RASGEF1B: variants seen among roughly 807,000 people sequenced by gnomAD.
The protein encoded by RASGEF1B is RasGEF domain family member 1B, also known as ras-GEF domain-containing family member 1B.
Under a neutral mutation model 65.7 loss-of-function variants are expected in RASGEF1B, and 30 were observed. The ratio of observed to expected loss-of-function variants is 0.46; its 90% CI spans 0.34 to 0.62. The LOEUF (loss-of-function observed/expected upper bound fraction) is 0.62, where lower values mean the gene tolerates loss of function less well. Among genes scored for constraint, RASGEF1B ranks in the 20% least tolerant of loss-of-function variants. The pLI is 0.01. For missense variants in RASGEF1B, 495 were observed against 580.1 expected (o/e 0.85, Z 1.51); for synonymous variants, 175 against 194.8 (o/e 0.90, Z 0.85).
intron 13 of RASGEF1B, among the ~76,000 whole-genome samples, chr4:81,429,177 T>C (rs1005168870): frequency 8.5e-5 from 13 of 152,090 alleles, no homozygotes; most frequent in African/African-American, 2.9e-4. Flanking sequence ...GAGTGCCTCC[T>C]GAGTGTATGA....
chr4:81,461,147 C>G (rs532086289), intron 1 of RASGEF1B, among the ~76,000 whole-genome samples: 1 of 152,264 alleles, frequency 6.6e-6, no homozygotes, highest in South Asian at 2.1e-4. Context: ...CCTCAAATTG[C>G]CAGGTTTCTA....
At position 81,456,968 on chromosome 4, in the gene RASGEF1B, A is replaced by C. The variant is rs914914293; in HGVS notation, c.301-180T>G. On this transcript the variant is annotated intron_variant, in intron 3 of 13. Transcript: ENST00000264400. ...GTGCCACCAACTTAAGGCAGGACCT[A>C]GGGATTCTCCATTGCATTTAATTAA... is the stretch of plus-strand genomic sequence containing the variant. 5.7e-4 allele frequency among the ~76,000 whole-genome samples: 86 copies of C among 152,152 alleles called. 2 individuals carry two copies. Among genetic ancestry groups the C allele is most frequent in the African/African-American group, 2.0e-3 (84 of 41,428 alleles).
At chr4:81,448,918 G>A (rs1016838743) in intron 4 of RASGEF1B, among the ~76,000 whole-genome samples, 2 of 152,006 alleles carry the variant, frequency 1.3e-5, no homozygotes, top group South Asian at 2.1e-4. Flanking sequence ...AGGTTCAAGC[G>A]ATTCACCTGC....
intron 10 of RASGEF1B, among the ~76,000 whole-genome samples, chr4:81,436,972 A>C (rs1186369812): frequency 2.0e-5 from 3 of 152,230 alleles, no homozygotes; most frequent in African/African-American, 7.2e-5. Flanking sequence ...TAAAGATCTC[A>C]TTACCTTTCC....
chr4:81,462,638 A>G (rs1722687411), intron 1 of RASGEF1B, among the ~76,000 whole-genome samples: 1 of 152,316 alleles, frequency 6.6e-6, no homozygotes, highest in East Asian at 1.9e-4. Context: ...CTACCTCCCC[A>G]TATACTCCAG....
chr4:81,449,421 G>T (rs564709492), intron 4 of RASGEF1B, among the ~76,000 whole-genome samples: 3 of 152,336 alleles, frequency 2.0e-5, no homozygotes, highest in African/African-American at 7.2e-5. Context: ...ATCAAGAAAT[G>T]ACTTCATAAT....
intron 4 of RASGEF1B, among the ~76,000 whole-genome samples, chr4:81,450,316 G>A (rs1375565833): frequency 6.6e-6 from 1 of 152,032 alleles, no homozygotes; most frequent in East Asian, 1.9e-4. Context: ...CCAGGAGATC[G>A]AGACAACATA....
chr4:81,447,464 A>T, intron 6 of RASGEF1B, 40 bp downstream of exon 6: 1 of 1,450,464 alleles, frequency 6.9e-7, no homozygotes, highest in Non-Finnish European at 9.7e-7. Context: ...GATAAATCCC[A>T]TTTTTGGTTT....
At chr4:81,432,935 G>A (rs1578610449) in intron 12 of RASGEF1B, among the ~76,000 whole-genome samples, 2 of 151,592 alleles carry the variant, frequency 1.3e-5, no homozygotes, top group African/African-American at 4.8e-5. Flanking sequence ...AATTAAAAAT[G>A]TTCTCCTGGC....
At chr4:81,436,452 T>C (rs927734317) in intron 10 of RASGEF1B, among the ~76,000 whole-genome samples, 1 of 152,208 alleles carries the variant, frequency 6.6e-6, no homozygotes, top group Non-Finnish European at 1.5e-5. Context: ...TCTGAATTCT[T>C]TGGCTTGATG....
In RASGEF1B at chr4:81,427,747, C is replaced by G; in HGVS notation, c.*21G>C. 3 of 1,613,602 alleles carry G rather than the reference C, an allele frequency of 1.9e-6. No individual in the cohort carries two copies. Among genetic ancestry groups the G allele is most frequent in the Non-Finnish European group, 2.5e-6 (3 of 1,179,894 alleles). ...GATCTGCAGGAAGCAGCAGCAGCAG[C>G]AGGCAGGCAGCTCCCATGTGTTAAA... On this transcript the variant is annotated 3_prime_UTR_variant, in exon 14 of 14. Coordinates refer to ENST00000264400, the MANE Select transcript of RASGEF1B (RefSeq NM_152545.3).
At chr4:81,454,324 A>C (rs1032920176) in intron 4 of RASGEF1B, 11 of 152,250 alleles carry the variant, frequency 7.2e-5, no homozygotes, top group African/African-American at 1.2e-4. Flanking sequence ...TTAAAAGAAA[A>C]AGATTTTTAA....
chr4:81,448,581 G>A (rs1455624940), intron 4 of RASGEF1B, among the ~76,000 whole-genome samples: 4 of 152,164 alleles, frequency 2.6e-5, no homozygotes, highest in African/African-American at 7.2e-5. Flanking sequence ...CCAGTATAAT[G>A]AGTACTAAGT....
At chr4:81,434,590 GC>G (rs1199426443) in intron 11 of RASGEF1B, 48 bp downstream of exon 11, 1 of 1,043,172 alleles carries the variant, frequency 9.6e-7, no homozygotes, top group South Asian at 1.3e-5. Flanking sequence ...TGGAGAAGCT[GC>G]CCCTCTCCTT....
At chr4:81,433,692 T>C in intron 12 of RASGEF1B, 148 bp downstream of exon 12, 1 of 723,042 alleles carries the variant, frequency 1.4e-6, no homozygotes, top group East Asian at 2.7e-5. Flanking sequence ...GGACAAATCA[T>C]ACATTTTCTG....
intron 5 of RASGEF1B, 49 bp from the exon 6 acceptor site, chr4:81,447,627 A>C: frequency 7.1e-7 from 1 of 1,407,916 alleles, no homozygotes; most frequent in Non-Finnish European, 1.0e-6. Flanking sequence ...AATGAAAAGA[A>C]ATGGACTGTC....
intron 4 of RASGEF1B, among the ~76,000 whole-genome samples, chr4:81,449,702 T>C (rs1308443104): frequency 1.3e-5 from 2 of 152,244 alleles, no homozygotes; most frequent in Non-Finnish European, 2.9e-5. Context: ...CTGAGATTAA[T>C]TATCTGAAAA....
rs923931312 is a variant in RASGEF1B at position 81,427,230 on chromosome 4, T to C, written c.*538A>G. The C allele has an allele frequency of 1.3e-5, 2 of 153,010 alleles. No individual in the cohort carries two copies. The highest frequency in any genetic ancestry group is 4.8e-5 in the African/African-American group (2 of 41,432). 9.5% of individuals were successfully genotyped at this position (153,010 alleles called of 1,614,324 possible). A position where few individuals can be genotyped will look rare whatever the true frequency, so the allele number is the denominator to read the frequency against. On this transcript the variant is annotated 3_prime_UTR_variant, in exon 14 of 14. Coordinates refer to ENST00000264400, the MANE Select transcript of RASGEF1B (RefSeq NM_152545.3). ...TACTAAGGGGAAACAAAGTCTGCAG[T>C]CAGCTTCCAACCAGTCTTACCCCTC...
In RASGEF1B at chr4:81,459,206, C is replaced by G; in HGVS notation, c.177+126G>C. On this transcript the variant is annotated intron_variant, in intron 2 of 13. Coordinates refer to ENST00000264400, the MANE Select transcript of RASGEF1B (RefSeq NM_152545.3). The stretch of plus-strand genomic sequence containing the variant: ...TTCAATGCACTTGATAATCAATATG[C>G]AATTTCTTGTTAGAAAAATTCTTAG... 4.1e-6 allele frequency: 3 copies of G among 731,892 alleles called. No individual in the cohort carries two copies. In the Admixed American group the frequency reaches 8.3e-5, roughly 20 times the overall value. 45.3% of individuals were successfully genotyped at this position (731,892 alleles called of 1,614,324 possible).
Sources: gnomAD v4.1 joint callset for allele counts (sites outside exome capture counted in the v4.1 genomes callset) on GRCh38, gnomAD v4.1.1 for gene constraint, MANE v1.5 for transcripts, NCBI Gene and HGNC (gene_info 2026-07-23, HGNC 2026-07-21) for gene names.